The following BBS12 variants were observed in gnomAD, a reference collection of about 807,000 sequenced individuals.
The protein encoded by BBS12 is chaperonin-containing T-complex member BBS12.
BBS12 carries 5 observed loss-of-function variants against 5.6 expected under a neutral mutation model. The ratio of observed to expected loss-of-function variants is 0.89; its 90% confidence interval spans 0.46 to 1.86. BBS12 has a LOEUF of 1.86. Among genes scored for constraint, BBS12 ranks in the 40% most tolerant of loss-of-function variants. BBS12 has a pLI of 0.01. For synonymous variants in BBS12, 308 were observed against 306.8 expected, an observed-to-expected ratio of 1.00 and a Z score of -0.04; for missense variants, 748 against 830.4, an observed-to-expected ratio of 0.90 and a Z score of 1.22.
upstream of BBS12, chr4:122,729,867 A>G (rs1363270366): frequency 6.6e-6 from 1 of 152,196 alleles, no homozygotes; most frequent in Non-Finnish European, 1.5e-5. Context: ...GAATCTCTTG[A>G]GCCCAGGAGG....
At chr4:122,731,199 C>G (rs905988706), upstream of BBS12, 5 of 152,194 alleles carry the variant, frequency 3.3e-5, no homozygotes, top group Admixed American at 2.6e-4. Context: ...TAATTCAGAT[C>G]CGTTACCAAA....
the BBS12 span, among the ~76,000 whole-genome samples, chr4:122,708,764 C>T: frequency 6.6e-6 from 1 of 151,920 alleles, no homozygotes; most frequent in African/African-American, 2.4e-5. Flanking sequence ...AGCTGTATAA[C>T]AAAACATCAC....
the BBS12 span, among the ~76,000 whole-genome samples, chr4:122,723,821 C>A: frequency 6.6e-6 from 1 of 152,110 alleles, no homozygotes; most frequent in Non-Finnish European, 1.5e-5. Context: ...TCTTAATAGC[C>A]CTCTCATTGG....
In BBS12 at chr4:122,740,393, AGAG is replaced by A. The variant is rs1359097200; in HGVS notation, c.-10-1483_-10-1481del. Among the ~76,000 whole-genome samples, 6 of 152,348 alleles carry A rather than the reference AGAG, an allele frequency of 3.9e-5. No individual in the cohort carries two copies. In the East Asian group the frequency reaches 9.6e-4, roughly 24 times the overall value. On this transcript the variant is annotated intron_variant, in intron 1 of 1. Transcript: ENST00000314218. ...CTATGTCAAGCATTCATTATTCTGA[AGAG>A]GAGGAGAAATGCCACATACCTTTCC...
At chr4:122,716,216 T>C in the BBS12 span, among the ~76,000 whole-genome samples, 2 of 152,212 alleles carry the variant, frequency 1.3e-5, no homozygotes, top group Non-Finnish European at 2.9e-5. Flanking sequence ...TCCATTTTTA[T>C]AATTAGCTTC....
the BBS12 span, among the ~76,000 whole-genome samples, chr4:122,710,845 A>G: frequency 6.6e-6 from 1 of 152,110 alleles, no homozygotes; most frequent in African/African-American, 2.4e-5. Context: ...CCTACAGTGA[A>G]TCAATATCTC....
At chr4:122,712,499 T>C in the BBS12 span, among the ~76,000 whole-genome samples, 6 of 152,242 alleles carry the variant, frequency 3.9e-5, no homozygotes, top group South Asian at 2.1e-4. Context: ...TTAATTGCAA[T>C]GGTTGAGCAA....
At chr4:122,719,373 A>T in the BBS12 span, among the ~76,000 whole-genome samples, 2 of 152,186 alleles carry the variant, frequency 1.3e-5, no homozygotes, top group Non-Finnish European at 2.9e-5. Context: ...CACCTGAGCC[A>T]GCAGCAGCAA....
chr4:122,707,747 C>T, the BBS12 span, among the ~76,000 whole-genome samples: 4 of 152,108 alleles, frequency 2.6e-5, no homozygotes, highest in African/African-American at 4.8e-5. Context: ...CAGTAGAAGG[C>T]CGACTTCTCC....
chr4:122,716,713 A>ACGTG, the BBS12 span, among the ~76,000 whole-genome samples: 1 of 121,540 alleles, frequency 8.2e-6, no homozygotes, highest in Non-Finnish European at 1.6e-5. Context: ...ATACATACAC[A>ACGTG]TATGTGTGTA....
chr4:122,742,757 GCAGTA>G lies in BBS12; in HGVS notation c.869_873del (p.Val290AlafsTer20), dbSNP rs1283655166. Reference sequence around the variant, plus strand: ...CAGCAGCATGAAGTTAGTAGAAGAAGCAGTACAGCTGCAATATCAGAATGCTTGTG... The same window carrying G: ...CAGCAGCATGAAGTTAGTAGAAGAAGCAGCTGCAATATCAGAATGCTTGTG... On this transcript the variant is annotated frameshift_variant, in exon 2 of 2. Coordinates refer to ENST00000314218, the MANE Select transcript of BBS12 (RefSeq NM_152618.3). LOFTEE classifies it low-confidence loss of function (END_TRUNC). 2 of 1,614,222 alleles carry G rather than the reference GCAGTA, an allele frequency of 1.2e-6. No individual in the cohort carries two copies. The highest frequency in any genetic ancestry group is 1.7e-6 in the Non-Finnish European group (2 of 1,180,028).
chr4:122,736,562 T>C (rs1486414516), intron 1 of BBS12, among the ~76,000 whole-genome samples: 1 of 152,142 alleles, frequency 6.6e-6, no homozygotes, highest in African/African-American at 2.4e-5. Context: ...CTGACTCTGC[T>C]CTTCCATTAC....
chr4:122,725,819 A>G, the BBS12 span, among the ~76,000 whole-genome samples: 1 of 146,026 alleles, frequency 6.8e-6, no homozygotes, highest in African/African-American at 2.5e-5. Context: ...AATCGCTTAA[A>G]CCCAGGAGGC....
the BBS12 span, among the ~76,000 whole-genome samples, chr4:122,707,054 CTTTTTTT>C: frequency 1.4e-5 from 1 of 72,250 alleles, no homozygotes; most frequent in Non-Finnish European, 2.4e-5. Context: ...CTCTCTCTCT[CTTTTTTT>C]TTTTTTTTTT....
chr4:122,717,063 C>A, the BBS12 span, among the ~76,000 whole-genome samples: 1 of 152,134 alleles, frequency 6.6e-6, no homozygotes, highest in Non-Finnish European at 1.5e-5. Context: ...TGTATGGGAC[C>A]AACCCCTATT....
chr4:122,718,712 G>GTGAAATGAATGAAA, the BBS12 span, among the ~76,000 whole-genome samples: 2 of 146,200 alleles, frequency 1.4e-5, no homozygotes, highest in Non-Finnish European at 3.0e-5. Context: ...GGGATTCGAT[G>GTGAAATGAATGAAA]TGAAATGAAA....
chr4:122,743,399 G>A lies in BBS12; in HGVS notation c.1507G>A (p.Val503Met), dbSNP rs374865012. The change falls in exon 2 of 2, where the codon GTG becomes ATG. Residue 503 changes from valine (V) to methionine (M), a missense_variant. Transcript: ENST00000314218. ...AGAAGGAATTAATTTGGTTACGGCC[G>A]TGCTCACTAACCCAGTTACTGCACA... is the stretch of plus-strand genomic sequence containing the variant. Reference protein sequence around the residue: ...KTEGINLVTAVLTNPVTAQMQ... With the variant: ...KTEGINLVTAMLTNPVTAQMQ... 1.9e-5 allele frequency: 30 copies of A among 1,614,084 alleles called. No individual in the cohort carries two copies. The highest frequency in any genetic ancestry group is 1.6e-4 in the Middle Eastern group (1 of 6,084).
chr4:122,739,182 C>T (rs1430993595), intron 1 of BBS12, among the ~76,000 whole-genome samples: 3 of 152,184 alleles, frequency 2.0e-5, no homozygotes, highest in Non-Finnish European at 2.9e-5. Context: ...TGATTTTGGG[C>T]TTCTAGACTC....
At chr4:122,720,428 G>A in the BBS12 span, among the ~76,000 whole-genome samples, 2 of 152,124 alleles carry the variant, frequency 1.3e-5, no homozygotes, top group Admixed American at 6.5e-5. Context: ...TCCAGCCTGG[G>A]CAACAGAGCG....
Sources: allele counts gnomAD v4.1 joint callset (sites outside exome capture counted in the v4.1 genomes callset), GRCh38; gene constraint gnomAD v4.1.1; transcripts MANE v1.5; gene names NCBI Gene and HGNC (gene_info 2026-07-23, HGNC 2026-07-21).